The following TACC3 variants were observed in gnomAD, a reference collection of about 807,000 sequenced individuals.
TACC3 encodes the protein transforming acidic coiled-coil containing protein 3.
In TACC3, 52 loss-of-function variants were observed where a neutral mutation model predicts 86.0. The observed-to-expected ratio is 0.60, with a 90% CI of 0.48 to 0.76. TACC3 has a LOEUF of 0.76. Among genes scored for constraint, TACC3 ranks in the 30% least tolerant of loss-of-function variants. The pLI is 0.00. For synonymous variants in TACC3, 512 were observed against 430.0 expected (o/e 1.19, Z -2.36); for missense variants, 1,120 against 1,070.4 (o/e 1.05, Z -0.65).
intron 10 of TACC3, among the ~76,000 whole-genome samples, chr4:1,739,187 A>G (rs1196591655): frequency 2.0e-5 from 3 of 152,146 alleles, no homozygotes; most frequent in African/African-American, 7.2e-5. Flanking sequence ...GGGCACCTGT[A>G]GTCCCACCTA....
At chr4:1,738,073 T>A (rs921164496) in intron 10 of TACC3, 2 of 363,112 alleles carry the variant, frequency 5.5e-6, no homozygotes, top group Non-Finnish European at 1.1e-5. Context: ...CCTGGCAGCT[T>A]AGGAAGCTCC....
intron 6 of TACC3, among the ~76,000 whole-genome samples, chr4:1,733,787 G>T (rs1332407003): frequency 6.6e-6 from 1 of 152,192 alleles, no homozygotes; most frequent in African/African-American, 2.4e-5. Flanking sequence ...AGATCAGCCT[G>T]GCCAACATGG....
chr4:1,741,202 A>C, intron 13 of TACC3: 1 of 471,316 alleles, frequency 2.1e-6, no homozygotes, highest in Non-Finnish European at 3.7e-6. Context: ...CAGAGTGAGC[A>C]GGGAGGCCAT....
At chr4:1,732,566 T>C (rs926496030) in intron 6 of TACC3, among the ~76,000 whole-genome samples, 1 of 102,516 alleles carries the variant, frequency 9.8e-6, no homozygotes. Context: ...AAGATCTCAA[T>C]TTAGAGAACT....
chr4:1,724,797 T>C (rs1717604448), intron 3 of TACC3, among the ~76,000 whole-genome samples: 2 of 152,118 alleles, frequency 1.3e-5, no homozygotes, highest in African/African-American at 2.4e-5. Context: ...AGTTTCGCTC[T>C]GTCACCCAGG....
At chr4:1,722,404 T>C (rs1451512718) in intron 1 of TACC3, among the ~76,000 whole-genome samples, 2 of 152,122 alleles carry the variant, frequency 1.3e-5, no homozygotes, top group African/African-American at 4.8e-5. Context: ...GTAAGTCCCA[T>C]ATGTGCCAGT....
chr4:1,728,880 A>G (rs1717860235), intron 4 of TACC3, 93 bp downstream of exon 4: 2 of 1,305,584 alleles, frequency 1.5e-6, no homozygotes, highest in African/African-American at 3.0e-5. Context: ...GTCATCAGAT[A>G]CTCCTTTGAG....
intron 11 of TACC3, 67 bp from the exon 12 acceptor site, chr4:1,739,892 A>G: frequency 1.3e-6 from 2 of 1,491,452 alleles, no homozygotes; most frequent in African/African-American, 3.4e-5. Context: ...CCCCGTCCCC[A>G]TCCCCACCTG....
At chr4:1,728,834 T>G in intron 4 of TACC3, 47 bp downstream of exon 4, 1 of 1,532,626 alleles carries the variant, frequency 6.5e-7, no homozygotes, top group Non-Finnish European at 8.8e-7. Context: ...GCAGCTGCCC[T>G]GCAGTGTATG....
In TACC3 at chr4:1,735,497, T is replaced by C. The variant is rs1192153089; in HGVS notation, c.1644+172T>C. ...CCCCTTCTGCAGCACCTCCTCTAAG[T>C]GGTGTCCTGTGGCAGGGCTCTAGGG... On this transcript the variant is annotated intron_variant, in intron 7 of 15. Coordinates refer to ENST00000313288, the MANE Select transcript of TACC3 (RefSeq NM_006342.3). The surrounding 1 kb of genome is among the most constrained non-coding windows in gnomAD (Gnocchi z 4.2). Among the ~76,000 whole-genome samples the C allele has an allele frequency of 6.6e-6, 1 of 151,900 alleles. No homozygotes were observed. Among genetic ancestry groups the C allele is most frequent in the African/African-American group, 2.4e-5 (1 of 41,344 alleles).
In TACC3 at chr4:1,726,130, G is replaced by A. The variant is rs530285205; in HGVS notation, c.306-1578G>A. 8.5e-5 allele frequency among the ~76,000 whole-genome samples: 13 copies of A among 152,316 alleles called. No homozygotes were observed. The South Asian group carries it at 1.7e-3, about 19-fold the overall frequency. ...TCCAGCCCCAACCATCCCAACAGCC[G>A]CCTCTTCTGTCAGGGGCCCTGCGCC... is the stretch of plus-strand genomic sequence containing the variant. On this transcript the variant is annotated intron_variant, in intron 3 of 15. Transcript: ENST00000313288.
chr4:1,729,100 G>A (rs1717872343), intron 4 of TACC3, among the ~76,000 whole-genome samples: 1 of 152,200 alleles, frequency 6.6e-6, no homozygotes, highest in Non-Finnish European at 1.5e-5. Flanking sequence ...TTCCTCCTCA[G>A]GTGAACTTGA....
chr4:1,743,551 T>TA (rs924737953), intron 13 of TACC3, among the ~76,000 whole-genome samples: 66 of 12,008 alleles, frequency 5.5e-3, no homozygotes, highest in African/African-American at 6.1e-3. Flanking sequence ...AGTCTCCGTC[T>TA]AAAAAAAAAA....
At chr4:1,724,011 C>G (rs1274608620) in intron 3 of TACC3, 141 bp downstream of exon 3, 2 of 928,654 alleles carry the variant, frequency 2.2e-6, no homozygotes, top group African/African-American at 3.3e-5. Flanking sequence ...CTCTGTTGCC[C>G]ACGCTGGAGT....
intron 13 of TACC3, among the ~76,000 whole-genome samples, chr4:1,743,088 C>G (rs967497777): frequency 6.6e-6 from 1 of 150,960 alleles, no homozygotes; most frequent in Non-Finnish European, 1.5e-5. Flanking sequence ...ATGGTGAAAC[C>G]CTTTCTGTAC....
At chr4:1,737,991 G>C in intron 10 of TACC3, 3 of 503,222 alleles carry the variant, frequency 6.0e-6, no homozygotes, top group Non-Finnish European at 3.8e-6. Flanking sequence ...GCAGCAGTGA[G>C]TGTGGTTCTT....
At position 1,735,621 on chromosome 4, in the gene TACC3, G is replaced by A; in HGVS notation, c.1645-110G>A. 5 of 873,002 alleles carry A rather than the reference G, an allele frequency of 5.7e-6. No individual in the cohort carries two copies. Among genetic ancestry groups the A allele is most frequent in the Non-Finnish European group, 9.4e-6 (5 of 530,934 alleles). 54.1% of individuals were successfully genotyped at this position (873,002 alleles called of 1,614,324 possible). A position where few individuals can be genotyped will look rare whatever the true frequency, so the allele number is the denominator to read the frequency against. ...GGGTTGTGGGTGACCGGGGGTGGGA[G>A]TGTGCGGGTGACCGGGGGTGGGAGT... On this transcript the variant is annotated intron_variant, in intron 7 of 15. Coordinates refer to ENST00000313288, the MANE Select transcript of TACC3 (RefSeq NM_006342.3). The surrounding 1 kb of genome is among the most constrained non-coding windows in gnomAD (Gnocchi z 4.2).
intron 4 of TACC3, 119 bp downstream of exon 4, chr4:1,728,906 C>T: frequency 9.6e-7 from 1 of 1,039,344 alleles, no homozygotes; most frequent in Middle Eastern, 3.2e-4. Flanking sequence ...GTAGGTTCTG[C>T]CTGAGGAGGG....
Position 1,728,305 on chromosome 4 carries a change from C to T in TACC3, c.903C>T (p.Ser301=). The T allele has an allele frequency of 1.2e-6, 2 of 1,612,900 alleles. No individual in the cohort carries two copies. The highest frequency in any genetic ancestry group is 1.7e-6 in the Non-Finnish European group (2 of 1,180,032). The change falls in exon 4 of 16, where the codon AGC becomes AGT. Residue 301 remains serine, a synonymous_variant. Coordinates refer to ENST00000313288, the MANE Select transcript of TACC3 (RefSeq NM_006342.3). ...LTCAHTSAPE[S]TAPTNHLVAG... ...GTGCACACACCTCTGCTCCTGAGAG[C>T]ACAGCCCCAACCAACCACCTGGTGG...
Sources: gnomAD v4.1 joint callset for allele counts (sites outside exome capture counted in the v4.1 genomes callset) on GRCh38, gnomAD v4.1.1 for gene constraint, Gnocchi (gnomAD v3.1) non-coding constraint, MANE v1.5 for transcripts, NCBI Gene and HGNC (gene_info 2026-07-23, HGNC 2026-07-21) for gene names.